ARHGAP42: variants seen among roughly 807,000 people sequenced by gnomAD.
ARHGAP42 encodes rho GTPase-activating protein 42.
ARHGAP42 carries 63 observed loss-of-function variants against 125.0 expected under a neutral mutation model. The observed-to-expected ratio is 0.50, with a 90% CI of 0.41 to 0.62. The LOEUF is 0.62. Ranked by LOEUF, ARHGAP42 falls within the 20% of genes least tolerant of loss-of-function variation. ARHGAP42 has a pLI of 0.00. For synonymous variants in ARHGAP42, 339 were observed against 351.0 expected, an observed-to-expected ratio of 0.97 and a Z score of 0.38; for missense variants, 766 against 1,024.2, an observed-to-expected ratio of 0.75 and a Z score of 3.44.
intron 4 of ARHGAP42, among the ~76,000 whole-genome samples, chr11:100,884,697 C>G (rs757174740): frequency 1.1e-4 from 16 of 152,278 alleles, no homozygotes; most frequent in Non-Finnish European, 1.8e-4. Context: ...CCCCGTCCCA[C>G]TACCCTGCTG....
At chr11:100,707,954 T>C (rs994666749) in intron 1 of ARHGAP42, among the ~76,000 whole-genome samples, 2 of 152,210 alleles carry the variant, frequency 1.3e-5, no homozygotes, top group Admixed American at 1.3e-4. Flanking sequence ...ATAGGAATCT[T>C]ATATGAGAAT....
At chr11:100,903,706 C>CAAAAAAAAGA (rs749877720) in intron 4 of ARHGAP42, among the ~76,000 whole-genome samples, 1 of 32,544 alleles carries the variant, frequency 3.1e-5, no homozygotes, top group African/African-American at 1.1e-4. Context: ...ACATGTCCCT[C>CAAAAAAAAGA]AAAATATATA....
intron 4 of ARHGAP42, among the ~76,000 whole-genome samples, chr11:100,902,920 T>C (rs1866591043): frequency 6.6e-6 from 1 of 152,148 alleles, no homozygotes; most frequent in African/African-American, 2.4e-5. Context: ...AAGATAAATC[T>C]TGCTTCTTGC....
At chr11:100,929,397 C>T (rs956688252) in intron 6 of ARHGAP42, among the ~76,000 whole-genome samples, 8 of 152,148 alleles carry the variant, frequency 5.3e-5, no homozygotes, top group African/African-American at 1.9e-4. Flanking sequence ...CTATTATAAA[C>T]GTTCATGTAC....
chr11:100,728,714 GTATATATATATATATATATATATATA>G lies in ARHGAP42; in HGVS notation c.154+40900_154+40925del, dbSNP rs57293905. ...AGTGAAATTATATGAATGACTTTGC[GTATATATATATATATATATATATATA>G]TATATATATATATATATGCACACTT... On this transcript the variant is annotated intron_variant, in intron 1 of 23. Coordinates refer to ENST00000298815, the MANE Select transcript of ARHGAP42 (RefSeq NM_152432.4). Among the ~76,000 whole-genome samples, 411 of 70,410 alleles carry G rather than the reference GTATATATATATATATATATATATATA, an allele frequency of 5.8e-3. 6 individuals carry two copies. Among genetic ancestry groups the G allele is most frequent in the African/African-American group, 0.021 (326 of 15,420 alleles). The allele number at this position is 70,410 out of a possible 152,430, so 46.2% of individuals were successfully genotyped here.
intron 3 of ARHGAP42, among the ~76,000 whole-genome samples, chr11:100,801,609 TTTG>T (rs1438359661): frequency 6.6e-6 from 1 of 152,228 alleles, no homozygotes; most frequent in Non-Finnish European, 1.5e-5. Context: ...TTTGTTTTGT[TTTG>T]TTGTTTTTGT....
chr11:100,862,767 A>AT (rs1865473565), intron 4 of ARHGAP42, among the ~76,000 whole-genome samples: 2 of 152,160 alleles, frequency 1.3e-5, no homozygotes, highest in Admixed American at 6.6e-5. Context: ...GTGGTGGCTC[A>AT]TGCCGGTAAT....
At chr11:100,777,907 G>C (rs1355153872) in intron 2 of ARHGAP42, among the ~76,000 whole-genome samples, 2 of 152,120 alleles carry the variant, frequency 1.3e-5, no homozygotes, top group Non-Finnish European at 2.9e-5. Context: ...ACTGGGCGGG[G>C]TGTGATAGTT....
chr11:100,935,134 AT>A (rs34682694), intron 7 of ARHGAP42, among the ~76,000 whole-genome samples: 38,904 of 146,526 alleles, frequency 0.27, 5,384 homozygotes, highest in Middle Eastern at 0.38. Flanking sequence ...TAATTTTGAG[AT>A]TTTTTTTTTT....
chr11:100,985,607 C>A (rs924891711), intron 22 of ARHGAP42, among the ~76,000 whole-genome samples: 1 of 152,178 alleles, frequency 6.6e-6, no homozygotes, highest in Non-Finnish European at 1.5e-5. Context: ...AAAGTCCTGT[C>A]CTTCTCTGAG....
intron 1 of ARHGAP42, among the ~76,000 whole-genome samples, chr11:100,769,948 C>T (rs1862934912): frequency 6.6e-6 from 1 of 151,902 alleles, no homozygotes; most frequent in African/African-American, 2.4e-5. Flanking sequence ...ACCTATGTAA[C>T]AAAACTGCAC....
intron 4 of ARHGAP42, among the ~76,000 whole-genome samples, chr11:100,878,533 AT>A (rs1038748722): frequency 6.6e-6 from 1 of 152,102 alleles, no homozygotes; most frequent in Non-Finnish European, 1.5e-5. Context: ...ATCTAATTTC[AT>A]TTGTTTGTGG....
At chr11:100,950,896 A>C (rs1416691613) in intron 12 of ARHGAP42, among the ~76,000 whole-genome samples, 1 of 151,986 alleles carries the variant, frequency 6.6e-6, no homozygotes, top group African/African-American at 2.4e-5. Context: ...TTTATTTTTT[A>C]ATAGAGATGA....
At chr11:100,716,800 C>G (rs1404953923) in intron 1 of ARHGAP42, among the ~76,000 whole-genome samples, 1 of 151,936 alleles carries the variant, frequency 6.6e-6, no homozygotes, top group Non-Finnish European at 1.5e-5. Context: ...ACCTCTGACC[C>G]CCTTTAAATT....
At chr11:100,878,031 G>T (rs1363930390) in intron 4 of ARHGAP42, among the ~76,000 whole-genome samples, 2 of 149,972 alleles carry the variant, frequency 1.3e-5, no homozygotes, top group East Asian at 1.9e-4. Context: ...AAAAAAAGAG[G>T]TGTTACCTAT....
At chr11:100,812,374 G>A (rs1034559352) in intron 3 of ARHGAP42, among the ~76,000 whole-genome samples, 4 of 152,134 alleles carry the variant, frequency 2.6e-5, no homozygotes, top group African/African-American at 4.8e-5. Context: ...CTTTCTCTGG[G>A]CTGGATATTG....
chr11:100,699,979 C>T (rs1321194282), intron 1 of ARHGAP42, among the ~76,000 whole-genome samples: 1 of 152,154 alleles, frequency 6.6e-6, no homozygotes, highest in Non-Finnish European at 1.5e-5. Flanking sequence ...ATGTATCACT[C>T]CAATCTCTGC....
At chr11:100,968,208 G>C (rs1858148753) in intron 17 of ARHGAP42, among the ~76,000 whole-genome samples, 2 of 152,198 alleles carry the variant, frequency 1.3e-5, no homozygotes, top group African/African-American at 4.8e-5. Context: ...ATCTACTGTA[G>C]AAAGCATATA....
At chr11:100,929,322 G>A (rs1867512801) in intron 6 of ARHGAP42, among the ~76,000 whole-genome samples, 1 of 152,166 alleles carries the variant, frequency 6.6e-6, no homozygotes, top group Admixed American at 6.5e-5. Context: ...CTCCTGCCAT[G>A]CAGTTGGGTT....
Sources: gnomAD v4.1 joint callset for allele counts (sites outside exome capture counted in the v4.1 genomes callset) on GRCh38, gnomAD v4.1.1 for gene constraint, MANE v1.5 for transcripts, NCBI Gene and HGNC (gene_info 2026-07-23, HGNC 2026-07-21) for gene names.